Variants in CNFN observed in about 807,000 individuals in gnomAD.
CNFN encodes the protein cornifelin.
A neutral mutation model predicts 14.9 loss-of-function variants in CNFN; 10 were observed. The observed-to-expected ratio is 0.67, with a 90% CI of 0.41 to 1.14. CNFN has a LOEUF of 1.14. Ranked by LOEUF, CNFN falls within the 50% of genes most tolerant of loss-of-function variation. CNFN has a pLI of 0.00. For synonymous variants in CNFN, 66 were observed against 60.0 expected (o/e 1.10, Z -0.46); for missense variants, 165 against 152.8 (o/e 1.08, Z -0.42).
chr19:42,387,502 G>A (rs748254439), intron 2 of CNFN, 26 bp from the exon 3 acceptor site: 31 of 1,528,072 alleles, frequency 2.0e-5, no homozygotes, highest in Non-Finnish European at 2.5e-5. Context: ...GCGCTCAGGG[G>A]CGGGGCCAGC....
At chr19:42,389,458 A>G (rs759240947) in intron 1 of CNFN, 1 of 1,292,132 alleles carries the variant, frequency 7.7e-7, no homozygotes, top group Non-Finnish European at 1.0e-6. Context: ...TCCAGTACTG[A>G]GAGGGTTGCT....
chr19:42,389,335 C>T (rs1472147789), intron 1 of CNFN, among the ~76,000 whole-genome samples: 2 of 152,242 alleles, frequency 1.3e-5, no homozygotes, highest in African/African-American at 4.8e-5. Flanking sequence ...GCCGCCTCCT[C>T]CTCCACGTCT....
intron 2 of CNFN, 38 bp from the exon 3 acceptor site, chr19:42,387,514 G>T (rs769710802): frequency 1.3e-6 from 2 of 1,499,734 alleles, no homozygotes; most frequent in Admixed American, 4.4e-5. Flanking sequence ...GGGGCCAGCC[G>T]GGGCCTCCCG....
chr19:42,389,648 C>G, intron 1 of CNFN: 6 of 153,332 alleles, frequency 3.9e-5, no homozygotes, highest in South Asian at 6.8e-5. Flanking sequence ...GCACTGGGGG[C>G]TGGGCTCTCA....
chr19:42,389,244 C>A (rs932822957), intron 1 of CNFN, among the ~76,000 whole-genome samples: 1 of 152,240 alleles, frequency 6.6e-6, no homozygotes, highest in African/African-American at 2.4e-5. Flanking sequence ...CTGGCTCCTG[C>A]ACGTCTGGTT....
chr19:42,390,068 C>G (rs553068767), intron 1 of CNFN, among the ~76,000 whole-genome samples, 172 bp downstream of exon 1: 3 of 152,290 alleles, frequency 2.0e-5, no homozygotes, highest in African/African-American at 7.2e-5. Context: ...CTCAGCACAC[C>G]CCAGTTAAGA....
At chr19:42,388,877 C>A (rs760456218) in intron 2 of CNFN, 49 bp downstream of exon 2, 107 of 1,431,898 alleles carry the variant, frequency 7.5e-5, no homozygotes, top group Non-Finnish European at 1.0e-4. Flanking sequence ...CTGATTCCCC[C>A]CAAACCCATC....
At chr19:42,387,841 G>A (rs2039866106) in intron 2 of CNFN, among the ~76,000 whole-genome samples, 1 of 150,960 alleles carries the variant, frequency 6.6e-6, no homozygotes, top group Admixed American at 6.6e-5. Flanking sequence ...TTAGCCGGGC[G>A]TGGTGGTGTG....
In CNFN at chr19:42,387,098, A is replaced by C; in HGVS notation, c.*55T>G. On this transcript the variant is annotated 3_prime_UTR_variant, in exon 4 of 4. Coordinates refer to ENST00000222032, the MANE Select transcript of CNFN (RefSeq NM_032488.4). ...GAGGCAGTCCCTCCCAGGAGTGGCC[A>C]GAGAAGGCCAGAGGCGAGACTGGTG... 35 of 1,547,300 alleles carry C rather than the reference A, an allele frequency of 2.3e-5. No homozygotes were observed. Among genetic ancestry groups the C allele is most frequent in the Non-Finnish European group, 2.9e-5 (32 of 1,119,510 alleles).
At chr19:42,387,301 C>T (rs1316082911) in intron 3 of CNFN, 39 bp downstream of exon 3, 7 of 1,602,784 alleles carry the variant, frequency 4.4e-6, no homozygotes, top group Non-Finnish European at 5.1e-6. Flanking sequence ...GGCCAGTCCC[C>T]AGCTCCCTGC....
chr19:42,387,546 C>G, intron 2 of CNFN, 70 bp from the exon 3 acceptor site: 1 of 1,257,462 alleles, frequency 8.0e-7, no homozygotes, highest in Non-Finnish European at 1.1e-6. Context: ...CCGGGGGGGG[C>G]GCGGTTGATT....
At chr19:42,387,499 G>GGGGCGGGGCC in intron 2 of CNFN, 23 bp from the exon 3 acceptor site, 1 of 1,534,642 alleles carries the variant, frequency 6.5e-7, no homozygotes. Flanking sequence ...CAGGCGCTCA[G>GGGGCGGGGCC]GGGCGGGGCC....
In CNFN at chr19:42,387,334, G is replaced by A; in HGVS notation, c.249+6C>T. The A allele has an allele frequency of 6.3e-7, 1 of 1,596,498 alleles. No homozygotes were observed. Among genetic ancestry groups the A allele is most frequent in the Non-Finnish European group, 8.5e-7 (1 of 1,172,382 alleles). On this transcript the variant is annotated splice_donor_region_variant and intron_variant, in intron 3 of 3. Coordinates refer to ENST00000222032, the MANE Select transcript of CNFN (RefSeq NM_032488.4). ...TGCTCCCGCGGGTCCCCAGCCCGGC[G>A]CGCACCTGGATGTGGTAGCGCTCCC...
intron 1 of CNFN, 147 bp from the exon 2 acceptor site, chr19:42,389,186 C>T: frequency 1.6e-6 from 1 of 642,480 alleles, no homozygotes; most frequent in East Asian, 2.8e-5. Context: ...TCCCCCTTCC[C>T]TTCTGCTACA....
intron 1 of CNFN, chr19:42,389,550 T>G (rs1181018070): frequency 7.8e-7 from 1 of 1,289,340 alleles, no homozygotes; most frequent in Non-Finnish European, 1.0e-6. Flanking sequence ...GGAGGTGGCG[T>G]TGGGGACGGC....
At chr19:42,387,540 G>T (rs905354143) in intron 2 of CNFN, 64 bp from the exon 3 acceptor site, 164 of 1,337,142 alleles carry the variant, frequency 1.2e-4, no homozygotes, top group Non-Finnish European at 1.5e-4. Flanking sequence ...TCCGCCCCGG[G>T]GGGGGCGCGG....
intron 2 of CNFN, among the ~76,000 whole-genome samples, chr19:42,387,684 T>C (rs963083977): frequency 6.7e-6 from 1 of 149,312 alleles, no homozygotes; most frequent in Non-Finnish European, 1.5e-5. Context: ...CTTTTTTTTT[T>C]TTTTTAGAAA....
chr19:42,389,001 T>G lies in CNFN; in HGVS notation c.37A>C (p.Thr13Pro). The part of the protein sequence containing the change: ...YPVTSQPQCA[T>P]TSCYQTQLSD... Reference sequence around the variant, plus strand: ...AGCTGGGTCTGGTAGCAGCTGGTGGTGGCGCACTGGGGCTGACTGGTCACA... The same window carrying G: ...AGCTGGGTCTGGTAGCAGCTGGTGGGGGCGCACTGGGGCTGACTGGTCACA... Residue 13 changes from threonine to proline, a missense_variant, in exon 2 of 4, where the codon ACC (threonine) becomes CCC (proline). Physicochemically the swap from Thr to Pro is conservative, Grantham distance 38. Transcript: ENST00000222032. 1 of 1,613,878 alleles carries G rather than the reference T, an allele frequency of 6.2e-7. No individual in the cohort carries two copies. Among genetic ancestry groups the G allele is most frequent in the Non-Finnish European group, 8.5e-7 (1 of 1,179,992 alleles).
intron 2 of CNFN, among the ~76,000 whole-genome samples, chr19:42,388,005 A>AAAAAAAAAAAAAAAAC (rs2039868815): frequency 7.0e-6 from 1 of 143,682 alleles, no homozygotes; most frequent in African/African-American, 2.8e-5. Context: ...CAAAACAAAA[A>AAAAAAAAAAAAAAAAC]AAAAAACGAA....
Sources: allele counts gnomAD v4.1 joint callset (sites outside exome capture counted in the v4.1 genomes callset), GRCh38; gene constraint gnomAD v4.1.1; transcripts MANE v1.5; gene names NCBI Gene and HGNC (gene_info 2026-07-23, HGNC 2026-07-21).